The following IKZF2 variants were observed in gnomAD, a reference collection of about 807,000 sequenced individuals.
The protein encoded by IKZF2 is zinc finger protein Helios.
A neutral mutation model predicts 49.2 loss-of-function variants in IKZF2; 15 were observed. The ratio of observed to expected loss-of-function variants is 0.30; its 90% CI spans 0.20 to 0.47. The LOEUF (loss-of-function observed/expected upper bound fraction) is 0.47, where lower values mean the gene tolerates loss of function less well. Ranked by LOEUF, IKZF2 falls within the 20% of genes least tolerant of loss-of-function variation. The probability of loss-of-function intolerance (pLI) is 1.00; values close to 1 mark genes in which losing one functional copy is unlikely to be tolerated. For synonymous variants in IKZF2, 227 were observed against 221.4 expected (o/e 1.03, Z -0.23); for missense variants, 567 against 664.6 (o/e 0.85, Z 1.61).
chr2:213,086,338 G>T (rs7557330), intron 4 of IKZF2, among the ~76,000 whole-genome samples: 5,401 of 152,018 alleles, frequency 0.036, 330 homozygotes, highest in African/African-American at 0.12. Flanking sequence ...GAAGAAAGCT[G>T]CAAATGTTAC....
At chr2:213,104,263 A>C (rs1359322851) in intron 4 of IKZF2, among the ~76,000 whole-genome samples, 1 of 146,248 alleles carries the variant, frequency 6.8e-6, no homozygotes, top group Non-Finnish European at 1.5e-5. Flanking sequence ...CTAACGGACA[A>C]AAAAAAAAAA....
chr2:213,048,140 A>G (rs1318235114), intron 6 of IKZF2, among the ~76,000 whole-genome samples: 1 of 152,106 alleles, frequency 6.6e-6, no homozygotes, highest in Non-Finnish European at 1.5e-5. Flanking sequence ...CCCCCTCTCC[A>G]ATAGGGACTC....
chr2:213,082,996 T>G (rs1704116966), intron 4 of IKZF2, among the ~76,000 whole-genome samples: 1 of 152,220 alleles, frequency 6.6e-6, no homozygotes, highest in African/African-American at 2.4e-5. Context: ...TTTCTTTTCC[T>G]TCATATGTCT....
At chr2:213,065,357 A>G (rs1271322514) in intron 4 of IKZF2, among the ~76,000 whole-genome samples, 1 of 152,056 alleles carries the variant, frequency 6.6e-6, no homozygotes, top group Non-Finnish European at 1.5e-5. Context: ...TTGAGAGGAA[A>G]TACTGCCTTT....
chr2:213,112,821 A>G (rs960616297), intron 4 of IKZF2, among the ~76,000 whole-genome samples: 5 of 152,170 alleles, frequency 3.3e-5, no homozygotes, highest in Admixed American at 2.0e-4. Flanking sequence ...AATGGCTTTT[A>G]ATTGCACCTC....
chr2:213,037,901 G>A (rs1174550307), intron 6 of IKZF2, among the ~76,000 whole-genome samples: 1 of 151,910 alleles, frequency 6.6e-6, no homozygotes, highest in Non-Finnish European at 1.5e-5. Context: ...TCCTTCTCAT[G>A]AGAAGCCTGC....
chr2:213,124,372 A>G (rs2060186031), intron 4 of IKZF2, among the ~76,000 whole-genome samples: 1 of 152,088 alleles, frequency 6.6e-6, no homozygotes, highest in South Asian at 2.1e-4. Context: ...AAGATCAATC[A>G]GCTCTGTCAT....
intron 4 of IKZF2, among the ~76,000 whole-genome samples, chr2:213,113,510 T>C (rs1248772640): frequency 6.6e-6 from 1 of 152,190 alleles, no homozygotes; most frequent in Admixed American, 6.5e-5. Context: ...ATTTATCCAT[T>C]GTACAAAACA....
At chr2:213,145,384 T>TA (rs1250130987) in intron 4 of IKZF2, among the ~76,000 whole-genome samples, 1 of 151,862 alleles carries the variant, frequency 6.6e-6, no homozygotes, top group Admixed American at 6.6e-5. Context: ...TTGAAGATAT[T>TA]AAAAAATGCA....
intron 4 of IKZF2, among the ~76,000 whole-genome samples, chr2:213,111,690 T>C (rs2125773962): frequency 6.6e-6 from 1 of 152,256 alleles, no homozygotes; most frequent in Non-Finnish European, 1.5e-5. Context: ...TGAATCATAA[T>C]GGCTTTTGGA....
intron 2 of IKZF2, among the ~76,000 whole-genome samples, chr2:213,149,939 GT>G (rs2061223275): frequency 6.6e-6 from 1 of 152,022 alleles, no homozygotes; most frequent in Admixed American, 6.6e-5. Context: ...GATCCGTAAA[GT>G]TTAAAAGAGG....
chr2:213,049,568 A>G (rs1700489753), intron 6 of IKZF2, 145 bp downstream of exon 6: 1 of 531,462 alleles, frequency 1.9e-6, no homozygotes, highest in Non-Finnish European at 3.0e-6. Flanking sequence ...ATCCTGCAAG[A>G]TTTATCAATT....
chr2:213,108,532 C>T (rs1244132114), intron 4 of IKZF2, among the ~76,000 whole-genome samples: 2 of 152,094 alleles, frequency 1.3e-5, no homozygotes, highest in Non-Finnish European at 2.9e-5. Flanking sequence ...CAGTAGCCAT[C>T]GGGCTACAGT....
chr2:213,013,316 C>T (rs1285841693), intron 8 of IKZF2, among the ~76,000 whole-genome samples: 1 of 151,400 alleles, frequency 6.6e-6, no homozygotes, highest in Non-Finnish European at 1.5e-5. Context: ...GCAATCAGAC[C>T]TTGGCGATGA....
intron 2 of IKZF2, among the ~76,000 whole-genome samples, chr2:213,149,264 C>T (rs140285659): frequency 2.1e-3 from 316 of 152,094 alleles, no homozygotes; most frequent in Non-Finnish European, 3.5e-3. Flanking sequence ...CCTGCCAGAC[C>T]ATGCTTGGAC....
At chr2:213,026,518 A>G (rs1375861105) in intron 6 of IKZF2, among the ~76,000 whole-genome samples, 8 of 152,122 alleles carry the variant, frequency 5.3e-5, no homozygotes, top group Non-Finnish European at 8.8e-5. Flanking sequence ...TAATAAGTGG[A>G]GTTTTTATGA....
At chr2:213,077,856 G>A (rs1458071678) in intron 4 of IKZF2, among the ~76,000 whole-genome samples, 2 of 151,954 alleles carry the variant, frequency 1.3e-5, no homozygotes, top group Non-Finnish European at 2.9e-5. Context: ...CCAAAGTACT[G>A]GGATTACAGG....
intron 6 of IKZF2, among the ~76,000 whole-genome samples, chr2:213,045,194 AG>A (rs1700039178): frequency 6.6e-6 from 1 of 152,218 alleles, no homozygotes; most frequent in Admixed American, 6.5e-5. Context: ...GAAAGATGTT[AG>A]GGGTGATAAT....
At chr2:213,062,235 CA>C (rs1701761967) in intron 4 of IKZF2, among the ~76,000 whole-genome samples, 1 of 151,550 alleles carries the variant, frequency 6.6e-6, no homozygotes. Flanking sequence ...CAATTTAAGA[CA>C]TTTTTAAATA....
Sources: gnomAD v4.1 joint callset for allele counts (sites outside exome capture counted in the v4.1 genomes callset) on GRCh38, gnomAD v4.1.1 for gene constraint, MANE v1.5 for transcripts, NCBI Gene and HGNC (gene_info 2026-07-23, HGNC 2026-07-21) for gene names.